Variants in TBL1Y observed in about 807,000 individuals in gnomAD.
TBL1Y encodes the protein F-box-like/WD repeat-containing protein TBL1Y.
Under a neutral mutation model 12.0 loss-of-function variants are expected in TBL1Y, and 15 were observed. That is an observed-to-expected ratio of 1.25 (90% CI 0.83 to 1.92). The LOEUF is 1.92. Ranked by LOEUF, TBL1Y falls within the 40% of genes most tolerant of loss-of-function variation. TBL1Y has a pLI of 0.00. For synonymous variants in TBL1Y, 53 were observed against 42.6 expected, an observed-to-expected ratio of 1.24 and a Z score of -0.95; for missense variants, 148 against 116.7, an observed-to-expected ratio of 1.27 and a Z score of -1.24.
At chrY:6,970,169 T>C (rs2012198331) in intron 2 of TBL1Y, among the ~76,000 whole-genome samples, 1 of 33,518 alleles carries the variant, frequency 3.0e-5, no homozygotes, top group Non-Finnish European at 7.4e-5. Context: ...AGTCTCTGCT[T>C]TTTTGATTTT....
chrY:7,005,431 A>G, intron 4 of TBL1Y, among the ~76,000 whole-genome samples: 2 of 32,950 alleles, frequency 6.1e-5, no homozygotes, highest in African/African-American at 2.4e-4. Context: ...CATGTCTCAA[A>G]AAAAAAATAA....
At chrY:7,066,798 C>T (rs754757502) in intron 8 of TBL1Y, among the ~76,000 whole-genome samples, 1 of 31,119 alleles carries the variant, frequency 3.2e-5, no homozygotes, top group Non-Finnish European at 7.7e-5. Context: ...AGAAAGACCT[C>T]GGCTTTACAG....
chrY:7,047,276 G>A, intron 7 of TBL1Y, among the ~76,000 whole-genome samples: 1 of 33,785 alleles, frequency 3.0e-5, no homozygotes, highest in African/African-American at 1.2e-4. Context: ...ATAATAATTT[G>A]CTGTTATAAC....
At chrY:6,931,535 G>A in intron 2 of TBL1Y, among the ~76,000 whole-genome samples, 2 of 34,134 alleles carry the variant, frequency 5.9e-5, no homozygotes, top group Admixed American at 2.7e-4. Flanking sequence ...ATCTTTATAC[G>A]GAAATCAATT....
At chrY:6,941,493 T>TG (rs2011952300) in intron 2 of TBL1Y, among the ~76,000 whole-genome samples, 1 of 33,285 alleles carries the variant, frequency 3.0e-5, no homozygotes, top group African/African-American at 1.2e-4. Context: ...GCATTCCATT[T>TG]GGGGCAACAG....
At chrY:6,986,099 A>G (rs2012315416) in intron 3 of TBL1Y, among the ~76,000 whole-genome samples, 20 of 32,419 alleles carry the variant, frequency 6.2e-4, no homozygotes. Context: ...CGTCATGCCC[A>G]CTGGTCTTCC....
At chrY:6,963,258 T>C in intron 2 of TBL1Y, among the ~76,000 whole-genome samples, 1 of 33,027 alleles carries the variant, frequency 3.0e-5, no homozygotes, top group African/African-American at 1.2e-4. Context: ...TTTTTGGCCA[T>C]TGATTTAAGG....
At chrY:7,035,223 C>A (rs943562415) in intron 6 of TBL1Y, among the ~76,000 whole-genome samples, 4 of 34,113 alleles carry the variant, frequency 1.2e-4, no homozygotes, top group Admixed American at 7.9e-4. Context: ...CATCACTAGT[C>A]ATTAAAGAAA....
chrY:7,063,736 A>G, intron 7 of TBL1Y, among the ~76,000 whole-genome samples, 161 bp from the exon 8 acceptor site: 1 of 33,440 alleles, frequency 3.0e-5, no homozygotes, highest in Non-Finnish European at 7.4e-5. Context: ...TAGAACTCAT[A>G]TCTAACAGGG....
At chrY:7,013,363 A>G (rs2012530583) in intron 4 of TBL1Y, among the ~76,000 whole-genome samples, 1 of 33,268 alleles carries the variant, frequency 3.0e-5, no homozygotes, top group South Asian at 6.9e-4. Flanking sequence ...ATGTTTAAAT[A>G]TTTAGCCAGT....
At chrY:7,085,845 A>C in intron 14 of TBL1Y, 53 bp from the exon 15 acceptor site, 5 of 361,903 alleles carry the variant, frequency 1.4e-5, no homozygotes, top group Non-Finnish European at 2.0e-5. Context: ...AGGCGACCTC[A>C]TCTACTCACA....
chrY:7,005,854 A>G, intron 4 of TBL1Y, among the ~76,000 whole-genome samples: 1 of 33,266 alleles, frequency 3.0e-5, no homozygotes, highest in Non-Finnish European at 7.4e-5. Flanking sequence ...TTAATTTGTG[A>G]TATTTCCATA....
intron 4 of TBL1Y, among the ~76,000 whole-genome samples, chrY:7,015,987 G>A: frequency 6.0e-5 from 2 of 33,375 alleles, no homozygotes; most frequent in Non-Finnish European, 1.5e-4. Context: ...GCCTAGGTAT[G>A]TTTCCCACCT....
chrY:7,020,692 G>T, intron 4 of TBL1Y, among the ~76,000 whole-genome samples: 9 of 33,610 alleles, frequency 2.7e-4, no homozygotes, highest in African/African-American at 1.0e-3. Flanking sequence ...TAAATGGTTG[G>T]CATTTATAGT....
intron 2 of TBL1Y, among the ~76,000 whole-genome samples, chrY:6,967,504 C>T (rs759014945): frequency 1.8e-3 from 60 of 32,638 alleles, no homozygotes; most frequent in Admixed American, 3.9e-3. Flanking sequence ...CTTGCCTCAG[C>T]CTTCTGAGTA....
At chrY:7,010,633 T>C in intron 4 of TBL1Y, among the ~76,000 whole-genome samples, 1 of 34,254 alleles carries the variant, frequency 2.9e-5, no homozygotes, top group Non-Finnish European at 7.3e-5. Flanking sequence ...TCAAGAATTA[T>C]AGCATGGAAA....
chrY:7,079,592 G>T, intron 13 of TBL1Y, among the ~76,000 whole-genome samples: 1 of 34,018 alleles, frequency 2.9e-5, no homozygotes, highest in Non-Finnish European at 7.3e-5. Context: ...ACCTGAGAAA[G>T]GCTCAAAGTC....
chrY:7,001,347 C>T (rs2012449709), intron 4 of TBL1Y, among the ~76,000 whole-genome samples: 1 of 33,201 alleles, frequency 3.0e-5, no homozygotes, highest in African/African-American at 1.2e-4. Context: ...AGGCCAGGCA[C>T]GGTGGCTCAC....
chrY:6,912,790 A>G (rs2011705503), intron 2 of TBL1Y, among the ~76,000 whole-genome samples: 2 of 22,113 alleles, frequency 9.0e-5, no homozygotes, highest in Non-Finnish European at 2.0e-4. Flanking sequence ...CTTTCGCACT[A>G]TTGCACTGCA....
Sources: gnomAD v4.1 joint callset for allele counts (sites outside exome capture counted in the v4.1 genomes callset) on GRCh38, gnomAD v4.1.1 for gene constraint, MANE v1.5 for transcripts, NCBI Gene and HGNC (gene_info 2026-07-23, HGNC 2026-07-21) for gene names.